The following CRACD variants were observed in gnomAD, a reference collection of about 807,000 sequenced individuals.
CRACD encodes the protein capping protein-inhibiting regulator of actin dynamics.
Under a neutral mutation model 106.8 loss-of-function variants are expected in CRACD, and 56 were observed. The observed-to-expected ratio is 0.52, with a 90% CI of 0.42 to 0.66. The LOEUF (loss-of-function observed/expected upper bound fraction) is 0.66, where lower values mean the gene tolerates loss of function less well. Among genes scored for constraint, CRACD ranks in the 30% least tolerant of loss-of-function variants. CRACD has a pLI of 0.00. For missense variants in CRACD, 1,730 were observed against 1,623.2 expected (o/e 1.07, Z -1.13); for synonymous variants, 754 against 670.8 (o/e 1.12, Z -1.92).
intron 2 of CRACD, among the ~76,000 whole-genome samples, chr4:56,183,581 A>G (rs957794420): frequency 5.9e-5 from 9 of 152,234 alleles, no homozygotes; most frequent in Non-Finnish European, 1.3e-4. Flanking sequence ...CGGTCATGCT[A>G]GAGAAATGTC....
At chr4:56,278,130 CT>C (rs1258205700) in intron 3 of CRACD, among the ~76,000 whole-genome samples, 1 of 152,042 alleles carries the variant, frequency 6.6e-6, no homozygotes, top group African/African-American at 2.4e-5. Context: ...TCCTAGCTGT[CT>C]TTTTTCCCCC....
chr4:56,050,919 C>T (rs1050840525), intron 1 of CRACD, among the ~76,000 whole-genome samples: 1 of 152,200 alleles, frequency 6.6e-6, no homozygotes, highest in Non-Finnish European at 1.5e-5. Flanking sequence ...AGGAAGCTAA[C>T]ACCAACTTGA....
chr4:56,203,594 G>A (rs1384339728), intron 2 of CRACD, among the ~76,000 whole-genome samples: 1 of 152,154 alleles, frequency 6.6e-6, no homozygotes, highest in South Asian at 2.1e-4. Context: ...ACAGCATTGA[G>A]TAGTTTCTAA....
In CRACD at chr4:56,322,797, G is replaced by A. The variant is rs777280797; in HGVS notation, c.3188-580G>A. Among the ~76,000 whole-genome samples, 6 of 152,346 alleles carry A rather than the reference G, an allele frequency of 3.9e-5. No homozygotes were observed. The East Asian group carries it at 9.6e-4, about 24-fold the overall frequency. On this transcript the variant is annotated intron_variant, in intron 8 of 10. Transcript: ENST00000682029. ...TAATCATAGCACCTTGGGAGGCCAA[G>A]GCAGGTGGATCACTTAAGGTCAGGA...
At chr4:56,132,110 C>T (rs1734843552) in intron 1 of CRACD, among the ~76,000 whole-genome samples, 1 of 151,960 alleles carries the variant, frequency 6.6e-6, no homozygotes. Flanking sequence ...AGTGGTGCAA[C>T]CACAGCTCCT....
chr4:56,067,620 G>A (rs959198530), intron 1 of CRACD, among the ~76,000 whole-genome samples: 2 of 152,150 alleles, frequency 1.3e-5, no homozygotes, highest in African/African-American at 4.8e-5. Context: ...CTGTCACCCA[G>A]GCTGGAGTGC....
chr4:56,297,739 A>G (rs1203913334), intron 3 of CRACD: 1 of 152,726 alleles, frequency 6.5e-6, no homozygotes, highest in Non-Finnish European at 1.5e-5. Flanking sequence ...TCTATCAACA[A>G]TTCTCTAGTC....
chr4:56,280,910 A>G (rs1214197375), intron 3 of CRACD, among the ~76,000 whole-genome samples: 2 of 152,188 alleles, frequency 1.3e-5, no homozygotes, highest in Admixed American at 1.3e-4. Context: ...GACCTGTTTT[A>G]CTTGACTGTT....
At chr4:56,192,358 C>T (rs1737412560) in intron 2 of CRACD, among the ~76,000 whole-genome samples, 2 of 151,700 alleles carry the variant, frequency 1.3e-5, no homozygotes, top group South Asian at 4.2e-4. Context: ...TGCCAATGCA[C>T]TCCAGCCTGA....
intron 3 of CRACD, among the ~76,000 whole-genome samples, chr4:56,279,110 G>A (rs1742850134): frequency 6.6e-6 from 1 of 152,148 alleles, no homozygotes; most frequent in African/African-American, 2.4e-5. Context: ...CTTTATAAAT[G>A]GGGAAACAGG....
At chr4:56,183,508 C>A (rs1010037171) in intron 2 of CRACD, among the ~76,000 whole-genome samples, 1 of 152,206 alleles carries the variant, frequency 6.6e-6, no homozygotes. Flanking sequence ...TCCATGCCTG[C>A]ACAGGCACGT....
At chr4:56,261,348 GCTT>G (rs1237469170) in intron 2 of CRACD, among the ~76,000 whole-genome samples, 5 of 121,700 alleles carry the variant, frequency 4.1e-5, no homozygotes, top group South Asian at 2.7e-4. Flanking sequence ...CTCTGTTACT[GCTT>G]CTTCTTCTTC....
At chr4:56,122,236 T>G (rs1293834681) in intron 1 of CRACD, among the ~76,000 whole-genome samples, 2 of 151,534 alleles carry the variant, frequency 1.3e-5, no homozygotes, top group African/African-American at 2.4e-5. Flanking sequence ...GATACTAAAT[T>G]TATTAAACAA....
intron 5 of CRACD, among the ~76,000 whole-genome samples, chr4:56,310,072 T>C (rs1745036541): frequency 2.0e-5 from 3 of 150,648 alleles, no homozygotes; most frequent in Admixed American, 2.0e-4. Flanking sequence ...TAGTGGGCCA[T>C]ATGAAAGGTA....
At chr4:56,238,750 G>A (rs958904187) in intron 2 of CRACD, among the ~76,000 whole-genome samples, 2 of 152,126 alleles carry the variant, frequency 1.3e-5, no homozygotes, top group African/African-American at 4.8e-5. Context: ...TTGCCAATCA[G>A]ATTTTTTTTA....
At chr4:56,266,831 GGT>G (rs1742049996) in intron 2 of CRACD, among the ~76,000 whole-genome samples, 1 of 152,150 alleles carries the variant, frequency 6.6e-6, no homozygotes, top group South Asian at 2.1e-4. Flanking sequence ...CATATGCTCA[GGT>G]TTTCATAATG....
intron 1 of CRACD, among the ~76,000 whole-genome samples, chr4:56,164,174 G>A (rs569562737): frequency 5.3e-4 from 78 of 148,176 alleles, no homozygotes; most frequent in Non-Finnish European, 9.2e-4. Flanking sequence ...TTGCTCTGTC[G>A]CCCAGGCTGG....
At chr4:56,231,158 A>G (rs1739596395) in intron 2 of CRACD, among the ~76,000 whole-genome samples, 1 of 152,198 alleles carries the variant, frequency 6.6e-6, no homozygotes, top group Non-Finnish European at 1.5e-5. Flanking sequence ...ATGTTCTTGT[A>G]CATCATGATA....
rs759247756 is a variant in CRACD at position 56,090,961 on chromosome 4, C to A, written c.-336+41662C>A. On this transcript the variant is annotated intron_variant, in intron 1 of 10. Coordinates refer to ENST00000682029, the MANE Select transcript of CRACD (RefSeq NM_001393381.1). ...GAGATCCAACTGGGTTCCTCAGAAT[C>A]TTTACAATAAATTTCCCTTATTTAT... Among the ~76,000 whole-genome samples the A allele has an allele frequency of 7.9e-5, 12 of 152,276 alleles. No individual in the cohort carries two copies. The South Asian group carries it at 1.5e-3, about 18-fold the overall frequency.
Sources: allele counts gnomAD v4.1 joint callset (sites outside exome capture counted in the v4.1 genomes callset), GRCh38; gene constraint gnomAD v4.1.1; transcripts MANE v1.5; gene names NCBI Gene and HGNC (gene_info 2026-07-23, HGNC 2026-07-21).